USP43: variants seen among roughly 807,000 people sequenced by gnomAD.
USP43 encodes the protein ubiquitin specific peptidase 43, also known as ubiquitin carboxyl-terminal hydrolase 43.
USP43 carries 33 observed loss-of-function variants against 90.7 expected under a neutral mutation model. That is an observed-to-expected ratio of 0.36 (90% CI 0.28 to 0.49). The LOEUF (loss-of-function observed/expected upper bound fraction) is 0.49. USP43 is among the 20% of genes least tolerant of loss of function. The pLI, the probability that USP43 is intolerant of heterozygous loss-of-function variation, is 0.98. For missense variants in USP43, 1,274 were observed against 1,476.4 expected (o/e 0.86, Z 2.25); for synonymous variants, 598 against 615.8 (o/e 0.97, Z 0.43).
chr17:9,704,371 C>T (rs1014478985), intron 12 of USP43, among the ~76,000 whole-genome samples: 1 of 152,116 alleles, frequency 6.6e-6, no homozygotes, highest in African/African-American at 2.4e-5. Context: ...GATGTGATCT[C>T]GGCTCACTGC....
At chr17:9,704,214 T>C (rs1284439455) in intron 12 of USP43, among the ~76,000 whole-genome samples, 1 of 152,194 alleles carries the variant, frequency 6.6e-6, no homozygotes, top group African/African-American at 2.4e-5. Flanking sequence ...TACCTGTAGG[T>C]CTTTTTCATT....
Position 9,690,630 on chromosome 17 carries a change from C to T in USP43, c.1354-2497C>T, listed in dbSNP as rs1914883519. The stretch of plus-strand genomic sequence containing the variant: ...CCAGACGTGGTGGCTCACGCCTGTA[C>T]TCCCAGCACTTTGGGAGGCCGAGGC... On this transcript the variant is annotated intron_variant, in intron 8 of 14. Coordinates refer to ENST00000285199, the MANE Select transcript of USP43 (RefSeq NM_153210.5). Among the ~76,000 whole-genome samples the T allele has an allele frequency of 2.0e-5, 3 of 152,062 alleles. No individual in the cohort carries two copies. The South Asian group carries it at 6.2e-4, about 32-fold the overall frequency.
In USP43 at chr17:9,701,235, A is replaced by G; in HGVS notation, c.1652A>G (p.Lys551Arg). Residue 551 changes from lysine to arginine, a missense_variant, in exon 11 of 15, where the codon AAG (lysine) becomes AGG (arginine). This residue lies in a region of USP43 where 253 missense variants were observed against 276.0 expected (regional missense o/e 0.92). Coordinates refer to ENST00000285199, the MANE Select transcript of USP43 (RefSeq NM_153210.5). This position sits in a 1 kb window ranked among gnomAD's most constrained non-coding sequence, Gnocchi z 7.2. ...GATGAATGTTTTCAGTTCTACACCA[A>G]GGAGGAGCAGGTCCCGCCCTGGGGG... ...TLDECFQFYTKEEQLAQDDAW... is the reference protein window; with the variant it reads ...TLDECFQFYTREEQLAQDDAW... 6.2e-7 allele frequency: 1 copy of G among 1,606,464 alleles called. No individual in the cohort carries two copies. The highest frequency in any genetic ancestry group is 8.5e-7 in the Non-Finnish European group (1 of 1,176,162).
chr17:9,655,679 T>A (rs909281716), intron 1 of USP43, among the ~76,000 whole-genome samples: 1 of 152,162 alleles, frequency 6.6e-6, no homozygotes, highest in Non-Finnish European at 1.5e-5. Context: ...TGCAAACAGA[T>A]GATGATCTGT....
intron 12 of USP43, among the ~76,000 whole-genome samples, chr17:9,707,832 T>C (rs183880399): frequency 6.6e-6 from 1 of 152,314 alleles, no homozygotes; most frequent in East Asian, 1.9e-4. Context: ...ACCTGTTCTA[T>C]GCCAGGTCCT....
At chr17:9,669,431 T>C (rs1271062471) in intron 3 of USP43, among the ~76,000 whole-genome samples, 1 of 152,194 alleles carries the variant, frequency 6.6e-6, no homozygotes, top group Non-Finnish European at 1.5e-5. Context: ...GCTAATGTGC[T>C]TGGTCCAATA....
chr17:9,693,050 G>A (rs1915051639), intron 8 of USP43, 77 bp from the exon 9 acceptor site: 2 of 965,566 alleles, frequency 2.1e-6, no homozygotes, highest in Non-Finnish European at 3.2e-6. Context: ...ATTTTTTAAT[G>A]TATGCGCCCC....
At position 9,709,810 on chromosome 17, in the gene USP43, CA is replaced by C; in HGVS notation, c.2012-138del. On this transcript the variant is annotated intron_variant, in intron 12 of 14. Coordinates refer to ENST00000285199, the MANE Select transcript of USP43 (RefSeq NM_153210.5). The surrounding 1 kb of genome is among the most constrained non-coding windows in gnomAD (Gnocchi z 5.0). ...ATAACTTACTGATCTTTTCTGATTC[CA>C]AAAAAAATTCATTTCTGGCCAAAAA... The C allele has an allele frequency of 1.5e-4, 121 of 785,246 alleles. No individual in the cohort carries two copies. The highest frequency in any genetic ancestry group is 1.8e-4 in the Non-Finnish European group (100 of 570,430). 48.6% of individuals were successfully genotyped at this position (785,246 alleles called of 1,614,324 possible). A position where few individuals can be genotyped will look rare whatever the true frequency, so the allele number is the denominator to read the frequency against.
At chr17:9,716,713 C>G (rs1457355805) in intron 14 of USP43, among the ~76,000 whole-genome samples, 1 of 152,080 alleles carries the variant, frequency 6.6e-6, no homozygotes, top group Non-Finnish European at 1.5e-5. Context: ...AGGGGAGCAC[C>G]CTGAGTTGTT....
At chr17:9,658,572 TA>T (rs1250345363) in intron 2 of USP43, among the ~76,000 whole-genome samples, 4 of 152,180 alleles carry the variant, frequency 2.6e-5, no homozygotes, top group African/African-American at 9.6e-5. Flanking sequence ...ATCACCACAG[TA>T]AAACCTGGGA....
chr17:9,716,897 A>AG (rs1277134745), intron 14 of USP43, among the ~76,000 whole-genome samples: 1 of 152,168 alleles, frequency 6.6e-6, no homozygotes. Context: ...GCACTTTGGG[A>AG]GGCCGAGGTG....
At chr17:9,656,272 CG>C in intron 1 of USP43, 130 bp from the exon 2 acceptor site, 1 of 1,220,950 alleles carries the variant, frequency 8.2e-7, no homozygotes. Context: ...ATTTCTACCC[CG>C]GCTGTTTGTG....
chr17:9,664,706 C>T (rs181722241), intron 2 of USP43, among the ~76,000 whole-genome samples: 7 of 149,658 alleles, frequency 4.7e-5, no homozygotes, highest in African/African-American at 7.4e-5. Context: ...GGCACGATCT[C>T]GGCTCACTTT....
chr17:9,720,461 A>G (rs1476734601), intron 14 of USP43, among the ~76,000 whole-genome samples: 1 of 150,920 alleles, frequency 6.6e-6, no homozygotes, highest in Non-Finnish European at 1.5e-5. Context: ...CCTTCCCACT[A>G]TCATGAGTTT....
chr17:9,667,333 A>G (rs1270098016), intron 3 of USP43, among the ~76,000 whole-genome samples: 3 of 152,104 alleles, frequency 2.0e-5, no homozygotes, highest in Admixed American at 6.6e-5. Flanking sequence ...GCTGGCGTAC[A>G]GTGAGCCGTG....
At chr17:9,702,635 T>A (rs1915640746) in intron 12 of USP43, among the ~76,000 whole-genome samples, 1 of 152,114 alleles carries the variant, frequency 6.6e-6, no homozygotes, top group Non-Finnish European at 1.5e-5. Context: ...TCAGAGAGTG[T>A]CATGAGGGAT....
Position 9,701,814 on chromosome 17 carries a change from C to A in USP43, c.2011+114C>A. On this transcript the variant is annotated intron_variant, in intron 12 of 14. Transcript: ENST00000285199. The surrounding 1 kb of genome is among the most constrained non-coding windows in gnomAD (Gnocchi z 7.2). ...CCTGGGGCACTTATTGAGATCCGAC[C>A]CCTCACCCACCGCACACCAGGAAGA... The A allele has an allele frequency of 3.5e-6, 3 of 862,082 alleles. No individual in the cohort carries two copies. The highest frequency in any genetic ancestry group is 5.2e-6 in the Non-Finnish European group (3 of 581,586). 53.4% of individuals were successfully genotyped at this position (862,082 alleles called of 1,614,324 possible).
At chr17:9,687,209 T>C (rs970298727) in intron 8 of USP43, among the ~76,000 whole-genome samples, 1 of 150,956 alleles carries the variant, frequency 6.6e-6, no homozygotes, top group Non-Finnish European at 1.5e-5. Flanking sequence ...TAAAACGAAA[T>C]TTTTTTTTTC....
At chr17:9,715,554 G>C (rs1314545577) in intron 14 of USP43, among the ~76,000 whole-genome samples, 4 of 123,772 alleles carry the variant, frequency 3.2e-5, no homozygotes, top group Non-Finnish European at 6.4e-5. Flanking sequence ...CTGTGTCTTT[G>C]TGTGTGTGTG....
Sources: gnomAD v4.1 joint callset for allele counts (sites outside exome capture counted in the v4.1 genomes callset) on GRCh38, gnomAD v4.1.1 for gene constraint, gnomAD v4.1.1 regional missense constraint, Gnocchi (gnomAD v3.1) non-coding constraint, MANE v1.5 for transcripts, NCBI Gene and HGNC (gene_info 2026-07-23, HGNC 2026-07-21) for gene names.